MYOT: variants seen among roughly 807,000 people sequenced by gnomAD.
MYOT encodes the protein 57 kDa cytoskeletal protein.
A neutral mutation model predicts 58.0 loss-of-function variants in MYOT; 36 were observed. The observed-to-expected ratio is 0.62, with a 90% CI of 0.48 to 0.82. The LOEUF is 0.82. Ranked by LOEUF, MYOT falls within the 40% of genes least tolerant of loss-of-function variation. The pLI, the probability that MYOT is intolerant of heterozygous loss-of-function variation, is 0.00. For synonymous variants in MYOT, 218 were observed against 204.6 expected, an observed-to-expected ratio of 1.07 and a Z score of -0.56; for missense variants, 505 against 592.1, an observed-to-expected ratio of 0.85 and a Z score of 1.53.
At chr5:137,870,227 C>T (rs549509859) in intron 1 of MYOT, among the ~76,000 whole-genome samples, 3 of 149,920 alleles carry the variant, frequency 2.0e-5, no homozygotes, top group Non-Finnish European at 3.0e-5. Flanking sequence ...GTGGAAGGAT[C>T]GCTTGTGCCC....
chr5:137,883,397 C>G lies in MYOT; in HGVS notation c.830C>G (p.Pro277Arg). 1 of 1,613,998 alleles carries G rather than the reference C, an allele frequency of 6.2e-7. No homozygotes were observed. The highest frequency in any genetic ancestry group is 8.5e-7 in the Non-Finnish European group (1 of 1,179,994). ...CRMDFKVSGL[P>R]APDVSWYLNG... ...TTTTCTTTCTAGGTGAGTGGACTGC[C>G]AGCTCCTGATGTGTCATGGTATCTA... The change falls in exon 7 of 10, where the codon CCA (proline) becomes CGA (arginine). Residue 277 changes from proline (P) to arginine (R), a missense_variant. Transcript: ENST00000239926.
intron 1 of MYOT, among the ~76,000 whole-genome samples, chr5:137,868,591 A>G (rs1580844597): frequency 6.6e-6 from 1 of 152,340 alleles, no homozygotes; most frequent in East Asian, 1.9e-4. Context: ...CAATATCAAC[A>G]TGTACAAGAC....
chr5:137,884,473 G>C (rs543564934), intron 7 of MYOT, among the ~76,000 whole-genome samples: 63 of 152,290 alleles, frequency 4.1e-4, no homozygotes, highest in Non-Finnish European at 8.2e-4. Flanking sequence ...TAGAAAACAG[G>C]TATGGCTACA....
At chr5:137,880,535 A>C in intron 4 of MYOT, 1 of 358,816 alleles carries the variant, frequency 2.8e-6, no homozygotes, top group Non-Finnish European at 5.2e-6. Flanking sequence ...CCTTTGTCAT[A>C]AAATAGTCAT....
intron 8 of MYOT, chr5:137,886,553 AAGG>A: frequency 3.3e-6 from 1 of 306,804 alleles, no homozygotes; most frequent in Non-Finnish European, 6.1e-6. Context: ...TTATTAAACA[AAGG>A]AGGAGGTAGG....
chr5:137,880,641 G>C, intron 4 of MYOT, 175 bp from the exon 5 acceptor site: 1 of 564,926 alleles, frequency 1.8e-6, no homozygotes, highest in South Asian at 2.3e-5. Flanking sequence ...TTGCTAGAGT[G>C]GTAGTATGTT....
rs749292789 is a variant in MYOT at position 137,870,751 on chromosome 5, C to A, written c.100C>A (p.Gln34Lys). ...PGPETSSFSS[Q>K]TKQSSIIIQP... The stretch of plus-strand genomic sequence containing the variant: ...ACCAGAAACCTCCAGCTTCTCTAGC[C>A]AGACCAAACAGTCTTCCATTATCAT... Residue 34 changes from glutamine (Q) to lysine (K), a missense_variant, in exon 2 of 10, where the codon CAG becomes AAG. Physicochemically the swap from Gln to Lys is moderately conservative, Grantham distance 53. Transcript: ENST00000239926. 3 of 1,614,088 alleles carry A rather than the reference C, an allele frequency of 1.9e-6. No individual in the cohort carries two copies. Among genetic ancestry groups the A allele is most frequent in the Non-Finnish European group, 2.5e-6 (3 of 1,180,048 alleles).
Position 137,882,003 on chromosome 5 carries a change from T to C in MYOT, c.714T>C (p.Asn238=), listed in dbSNP as rs1463317659. The C allele has an allele frequency of 1.2e-6, 2 of 1,613,986 alleles. No homozygotes were observed. The highest frequency in any genetic ancestry group is 2.7e-5 in the African/African-American group (2 of 74,936). The change falls in exon 6 of 10, where the codon AAT becomes AAC. Residue 238 remains asparagine, a synonymous_variant. Transcript: ENST00000239926. The part of the protein sequence containing the change: ...RSRSTSRGDV[N]DQDAIQEKFY... ...GATCAACCTCAAGGGGAGATGTGAA[T>C]GATCAGGATGCAATCCAGGAGAAAT...
Position 137,886,151 on chromosome 5 carries a change from T to G in MYOT, c.1128T>G (p.Pro376=). The G allele has an allele frequency of 1.9e-6, 3 of 1,612,414 alleles. No homozygotes were observed. Among genetic ancestry groups the G allele is most frequent in the Non-Finnish European group, 2.5e-6 (3 of 1,178,786 alleles). Residue 376 remains proline, a synonymous_variant, in exon 8 of 10, where the codon CCT becomes CCG. Transcript: ENST00000239926. ...TAGAATGCCAGATCTCGGCTATACCTCCACCAAAGCTTTTCTGGAAAAGAA... is the reference window on the plus strand; with the variant it reads ...TAGAATGCCAGATCTCGGCTATACCGCCACCAAAGCTTTTCTGGAAAAGAA... ...VKLECQISAI[P]PPKLFWKRNN... is the part of the protein sequence containing the mutation.
At chr5:137,878,541 G>A (rs1755307768) in intron 4 of MYOT, among the ~76,000 whole-genome samples, 1 of 152,074 alleles carries the variant, frequency 6.6e-6, no homozygotes. Context: ...TGTACAGTTG[G>A]TGGCTGGGCA....
intron 6 of MYOT, chr5:137,883,038 T>G: frequency 3.7e-6 from 1 of 269,970 alleles, no homozygotes. Flanking sequence ...TGGGACTTCA[T>G]TTGCAGTCAC....
At chr5:137,877,386 A>G in intron 3 of MYOT, 134 bp from the exon 4 acceptor site, 1 of 574,976 alleles carries the variant, frequency 1.7e-6, no homozygotes, top group East Asian at 3.2e-5. Context: ...AAAAAAAAAA[A>G]AAAAATAGAA....
At chr5:137,875,476 C>T (rs1755181334) in intron 2 of MYOT, among the ~76,000 whole-genome samples, 1 of 152,074 alleles carries the variant, frequency 6.6e-6, no homozygotes. Context: ...TGCACATGTA[C>T]TCCCAGAATC....
Position 137,887,590 on chromosome 5 carries a change from G to A in MYOT, c.*205G>A. The A allele has an allele frequency of 1.8e-5, 5 of 273,944 alleles. No individual in the cohort carries two copies. The highest frequency in any genetic ancestry group is 8.9e-5 in the South Asian group (1 of 11,208). 17.0% of individuals were successfully genotyped at this position (273,944 alleles called of 1,614,324 possible). On this transcript the variant is annotated 3_prime_UTR_variant, in exon 10 of 10. Transcript: ENST00000239926. ...ATTTGTGAAGCCTACAGGAAATCTGGGTATATGGATTTGTAACTGCAGAAG... is the reference window on the plus strand; with the variant it reads ...ATTTGTGAAGCCTACAGGAAATCTGAGTATATGGATTTGTAACTGCAGAAG...
In MYOT at chr5:137,877,711, TAAA is replaced by T. The variant is rs938820347; in HGVS notation, c.633+92_633+94del. The T allele has an allele frequency of 2.8e-5, 27 of 952,874 alleles. No individual in the cohort carries two copies. The African/African-American group carries it at 4.3e-4, about 15-fold the overall frequency. 59.0% of individuals were successfully genotyped at this position (952,874 alleles called of 1,614,324 possible). A position where few individuals can be genotyped will look rare whatever the true frequency, so the allele number is the denominator to read the frequency against. ...AAATGCTTATAAATAGCATCTGAAA[TAAA>T]AGTCGGTCAGTTCCATCCACCACTG... On this transcript the variant is annotated intron_variant, in intron 4 of 9. Coordinates refer to ENST00000239926, the MANE Select transcript of MYOT (RefSeq NM_006790.3).
intron 1 of MYOT, among the ~76,000 whole-genome samples, chr5:137,869,897 A>G (rs567923285): frequency 6.6e-6 from 1 of 152,172 alleles, no homozygotes; most frequent in East Asian, 1.9e-4. Context: ...CTACACAAAC[A>G]TATACACACA....
rs905768118 is a variant in MYOT at position 137,870,564 on chromosome 5, C to T, written c.-88C>T. 2 of 1,181,590 alleles carry T rather than the reference C, an allele frequency of 1.7e-6. No individual in the cohort carries two copies. The highest frequency in any genetic ancestry group is 2.5e-6 in the Non-Finnish European group (2 of 786,054). 73.2% of individuals were successfully genotyped at this position (1,181,590 alleles called of 1,614,324 possible). ...CCTTACAACCTTCCGTAATTCCAGG[C>T]TTGTGGCCCCAAATTCAGGGCCCCA... On this transcript the variant is annotated 5_prime_UTR_variant, in exon 2 of 10. Transcript: ENST00000239926.
At chr5:137,871,144 A>G (rs1755038968) in intron 2 of MYOT, 137 bp downstream of exon 2, 3 of 772,864 alleles carry the variant, frequency 3.9e-6, no homozygotes, top group Non-Finnish European at 6.6e-6. Context: ...GTCTCATTCC[A>G]TAGTTCTACT....
Position 137,887,460 on chromosome 5 carries a change from C to T in MYOT, c.*75C>T. ...TTGATTACATTTTTTTGAAATTAAT[C>T]CATAGCTGTATTAACAGATTATGGT... On this transcript the variant is annotated 3_prime_UTR_variant, in exon 10 of 10. Coordinates refer to ENST00000239926, the MANE Select transcript of MYOT (RefSeq NM_006790.3). The T allele has an allele frequency of 1.4e-6, 2 of 1,382,922 alleles. No homozygotes were observed. The highest frequency in any genetic ancestry group is 2.0e-6 in the Non-Finnish European group (2 of 981,544). 85.7% of individuals were successfully genotyped at this position (1,382,922 alleles called of 1,614,324 possible). A position where few individuals can be genotyped will look rare whatever the true frequency, so the allele number is the denominator to read the frequency against.
Sources: allele counts gnomAD v4.1 joint callset (sites outside exome capture counted in the v4.1 genomes callset), GRCh38; gene constraint gnomAD v4.1.1; transcripts MANE v1.5; gene names NCBI Gene and HGNC (gene_info 2026-07-23, HGNC 2026-07-21).